The following VPS8 variants were observed in gnomAD, a reference collection of about 807,000 sequenced individuals.
VPS8 encodes the protein vacuolar protein sorting-associated protein 8 homolog.
A neutral mutation model predicts 216.4 loss-of-function variants in VPS8; 129 were observed. The ratio of observed to expected loss-of-function variants is 0.60; its 90% confidence interval spans 0.52 to 0.69. VPS8 has a LOEUF of 0.69. Among genes scored for constraint, VPS8 ranks in the 30% least tolerant of loss-of-function variants. VPS8 has a pLI of 0.00. For synonymous variants in VPS8, 571 were observed against 565.4 expected (o/e 1.01, Z -0.14); for missense variants, 1,531 against 1,683.5 (o/e 0.91, Z 1.59).
At chr3:184,877,547 AT>A (rs1177527366) in intron 21 of VPS8, among the ~76,000 whole-genome samples, 3 of 152,176 alleles carry the variant, frequency 2.0e-5, no homozygotes, top group African/African-American at 7.2e-5. Context: ...TGGCTATCTT[AT>A]TTAGTCCTTA....
chr3:184,948,858 G>A (rs1215448754), intron 36 of VPS8, among the ~76,000 whole-genome samples: 1 of 152,188 alleles, frequency 6.6e-6, no homozygotes, highest in East Asian at 1.9e-4. Context: ...ATTTATACCT[G>A]ATGTGGTTAT....
chr3:184,964,801 T>G (rs1747114590), intron 38 of VPS8, among the ~76,000 whole-genome samples: 1 of 152,178 alleles, frequency 6.6e-6, no homozygotes, highest in African/African-American at 2.4e-5. Context: ...GACAAGTATT[T>G]TTATATATAT....
intron 36 of VPS8, among the ~76,000 whole-genome samples, chr3:184,956,232 G>A (rs1337250070): frequency 2.0e-5 from 3 of 152,112 alleles, no homozygotes; most frequent in Admixed American, 1.3e-4. Flanking sequence ...AATCCAAATT[G>A]TTCTTTCTGG....
chr3:184,945,625 C>T (rs954936548), intron 36 of VPS8, among the ~76,000 whole-genome samples: 2 of 152,148 alleles, frequency 1.3e-5, no homozygotes, highest in South Asian at 4.1e-4. Context: ...ACCCCTACTG[C>T]CCTGGTTTAG....
chr3:184,945,212 C>G (rs1287885537), intron 36 of VPS8, among the ~76,000 whole-genome samples: 3 of 150,930 alleles, frequency 2.0e-5, no homozygotes, highest in African/African-American at 7.3e-5. Context: ...TTCTTTATTC[C>G]TTTAATCAGT....
intron 45 of VPS8, among the ~76,000 whole-genome samples, chr3:185,009,226 G>C (rs1350511905): frequency 1.3e-5 from 2 of 152,144 alleles, no homozygotes; most frequent in Non-Finnish European, 2.9e-5. Context: ...TAGAACTAAG[G>C]TTTTGATGGA....
At chr3:185,043,146 A>G (rs183281216) in intron 46 of VPS8, among the ~76,000 whole-genome samples, 2 of 152,292 alleles carry the variant, frequency 1.3e-5, no homozygotes, top group East Asian at 1.9e-4. Context: ...ATGAAACCGT[A>G]TACATTCAGA....
At chr3:185,028,228 T>C (rs1757657121) in intron 46 of VPS8, among the ~76,000 whole-genome samples, 1 of 152,236 alleles carries the variant, frequency 6.6e-6, no homozygotes, top group Non-Finnish European at 1.5e-5. Context: ...GCTGTTTATG[T>C]CGTCTCTAGT....
intron 38 of VPS8, among the ~76,000 whole-genome samples, chr3:184,965,145 G>A (rs1195888111): frequency 6.6e-6 from 1 of 152,134 alleles, no homozygotes; most frequent in Non-Finnish European, 1.5e-5. Flanking sequence ...TGACGTAGCA[G>A]TTTTGTTTTG....
At chr3:185,003,188 G>A (rs1473263545) in intron 45 of VPS8, among the ~76,000 whole-genome samples, 1 of 133,588 alleles carries the variant, frequency 7.5e-6, no homozygotes, top group African/African-American at 2.9e-5. Flanking sequence ...TCATTCTTGG[G>A]TGTTTCTCGC....
chr3:185,031,062 C>CTTTTTTTTTTTTTTTTTT, intron 46 of VPS8, among the ~76,000 whole-genome samples: 1 of 75,260 alleles, frequency 1.3e-5, no homozygotes, highest in African/African-American at 7.4e-5. Context: ...TACAGGTTGG[C>CTTTTTTTTTTTTTTTTTT]GTTTTTTTTT....
At chr3:184,871,451 T>C (rs1372421965) in intron 21 of VPS8, among the ~76,000 whole-genome samples, 4 of 152,144 alleles carry the variant, frequency 2.6e-5, no homozygotes, top group Non-Finnish European at 4.4e-5. Context: ...AATACAGGGA[T>C]CAGCAGACTT....
intron 22 of VPS8, chr3:184,893,197 G>C (rs1163062477): frequency 8.3e-7 from 1 of 1,210,288 alleles, no homozygotes; most frequent in South Asian, 1.5e-5. Flanking sequence ...TTCTGGTGCA[G>C]TTGTAGCCAG....
Position 184,868,035 on chromosome 3 carries a change from G to A in VPS8, c.1482G>A (p.Val494=). The stretch of plus-strand genomic sequence containing the variant: ...TCTTTACTTTCCAGTCTGTTTATGT[G>A]ATGATGCTGAGGAGCTGGAGAGAGG... ...IFYLGTKSVY[V]MMLRSWRERV... Residue 494 remains valine, a synonymous_variant, in exon 18 of 48, where the codon GTG becomes GTA. Transcript: ENST00000625842. 1 of 1,612,936 alleles carries A rather than the reference G, an allele frequency of 6.2e-7. No homozygotes were observed. The highest frequency in any genetic ancestry group is 8.5e-7 in the Non-Finnish European group (1 of 1,179,684).
intron 35 of VPS8, among the ~76,000 whole-genome samples, chr3:184,938,244 G>A (rs1226924741): frequency 6.6e-6 from 1 of 152,196 alleles, no homozygotes; most frequent in Non-Finnish European, 1.5e-5. Context: ...TGTCCAGCAT[G>A]ATAATGATGA....
intron 28 of VPS8, among the ~76,000 whole-genome samples, chr3:184,916,402 TA>T (rs2065917041): frequency 6.6e-6 from 1 of 152,134 alleles, no homozygotes; most frequent in South Asian, 2.1e-4. Flanking sequence ...ATATACACAG[TA>T]TTTGGAGAAA....
intron 2 of VPS8, among the ~76,000 whole-genome samples, chr3:184,825,826 G>A (rs1341272842): frequency 2.0e-5 from 3 of 151,944 alleles, no homozygotes; most frequent in Non-Finnish European, 2.9e-5. Context: ...GCTTGAACCC[G>A]GGAGGTGGAG....
rs1718411656 is a variant in VPS8 at position 184,824,929 on chromosome 3, A to C, written c.153+144A>C. On this transcript the variant is annotated intron_variant, in intron 2 of 47. Coordinates refer to ENST00000625842, the MANE Select transcript of VPS8 (RefSeq NM_001009921.3). ...AATTTTTTTTTTTTTTTTTGGATACAGGGTCTCACTCTGTTGTCCAGGTTG... is the reference window on the plus strand; with the variant it reads ...AATTTTTTTTTTTTTTTTTGGATACCGGGTCTCACTCTGTTGTCCAGGTTG... 3 of 707,070 alleles carry C rather than the reference A, an allele frequency of 4.2e-6. No individual in the cohort carries two copies. In the East Asian group the frequency reaches 8.6e-5, roughly 20 times the overall value. 43.8% of individuals were successfully genotyped at this position (707,070 alleles called of 1,614,324 possible). A position where few individuals can be genotyped will look rare whatever the true frequency, so the allele number is the denominator to read the frequency against.
At chr3:184,838,112 T>C (rs1163900510) in intron 5 of VPS8, among the ~76,000 whole-genome samples, 2 of 152,200 alleles carry the variant, frequency 1.3e-5, no homozygotes, top group East Asian at 1.9e-4. Flanking sequence ...AACAGTGCAG[T>C]ATTTGCTATT....
Sources: gnomAD v4.1 joint callset for allele counts (sites outside exome capture counted in the v4.1 genomes callset) on GRCh38, gnomAD v4.1.1 for gene constraint, MANE v1.5 for transcripts, NCBI Gene and HGNC (gene_info 2026-07-23, HGNC 2026-07-21) for gene names.